The following AIG1 variants were observed in gnomAD, a reference collection of about 807,000 sequenced individuals.
AIG1 encodes the protein androgen-induced gene 1 protein.
In AIG1, 23 loss-of-function variants were observed where a neutral mutation model predicts 31.4. The ratio of observed to expected loss-of-function variants is 0.73; its 90% CI spans 0.53 to 1.04. AIG1 has a LOEUF of 1.04. Ranked by LOEUF, AIG1 falls within the 50% of genes least tolerant of loss-of-function variation. The pLI, the probability that AIG1 is intolerant of heterozygous loss-of-function variation, is 0.00. For missense variants in AIG1, 274 were observed against 295.0 expected (o/e 0.93, Z 0.52); for synonymous variants, 100 against 110.5 (o/e 0.90, Z 0.60).
At chr6:143,339,111 A>G (rs1243467723) in intron 5 of AIG1, 1 of 152,328 alleles carries the variant, frequency 6.6e-6, no homozygotes, top group Non-Finnish European at 1.5e-5. Flanking sequence ...ATTCATGAGT[A>G]TGGAAATAAA....
At chr6:143,065,917 T>C (rs1776658741) in intron 1 of AIG1, among the ~76,000 whole-genome samples, 1 of 152,250 alleles carries the variant, frequency 6.6e-6, no homozygotes, top group South Asian at 2.1e-4. Flanking sequence ...CCATTGGCTC[T>C]AGTTTGTAGT....
chr6:143,236,667 G>A (rs1463382877), intron 3 of AIG1, among the ~76,000 whole-genome samples: 1 of 152,178 alleles, frequency 6.6e-6, no homozygotes, highest in African/African-American at 2.4e-5. Context: ...CCAGTCCTTT[G>A]TGTCACCGTG....
chr6:143,127,225 G>A (rs148797435), intron 1 of AIG1, among the ~76,000 whole-genome samples: 2 of 152,048 alleles, frequency 1.3e-5, no homozygotes, highest in Admixed American at 1.3e-4. Context: ...ACTCTTCCAG[G>A]CCTTTCTTTA....
In AIG1 at chr6:143,327,401, G is replaced by T; in HGVS notation, c.516-5881G>T. 3.0e-6 allele frequency: 1 copy of T among 331,590 alleles called. No individual in the cohort carries two copies. The highest frequency in any genetic ancestry group is 5.7e-6 in the Non-Finnish European group (1 of 174,394). The allele number at this position is 331,590 out of a possible 1,614,324, so 20.5% of individuals were successfully genotyped here. A position where few individuals can be genotyped will look rare whatever the true frequency, so the allele number is the denominator to read the frequency against. The stretch of plus-strand genomic sequence containing the variant: ...CCATGGAGTGGGCTTCAAGAAGTCT[G>T]CCCCTTGGGCACTCAAAGAGATCTG... On this transcript the variant is annotated intron_variant, in intron 4 of 5. Coordinates refer to ENST00000357847, the MANE Select transcript of AIG1 (RefSeq NM_016108.4). This position sits in a 1 kb window ranked among gnomAD's most constrained non-coding sequence, Gnocchi z 5.3.
chr6:143,305,743 A>G (rs1799242986), intron 4 of AIG1, among the ~76,000 whole-genome samples: 2 of 152,008 alleles, frequency 1.3e-5, no homozygotes, highest in Admixed American at 1.3e-4. Flanking sequence ...TATTAGGTCC[A>G]CTTGGTGCAG....
chr6:143,092,182 G>A (rs1020966385), intron 1 of AIG1, among the ~76,000 whole-genome samples: 2 of 152,026 alleles, frequency 1.3e-5, no homozygotes, highest in African/African-American at 4.8e-5. Context: ...ATGGCTCACT[G>A]CAGCCTTGAC....
Position 143,256,213 on chromosome 6 carries a change from T to C in AIG1, c.400-27897T>C, listed in dbSNP as rs1254739146. Among the ~76,000 whole-genome samples the C allele has an allele frequency of 2.0e-5, 3 of 152,222 alleles. No homozygotes were observed. The highest frequency in any genetic ancestry group is 4.4e-5 in the Non-Finnish European group (3 of 68,042). ...ACATAGGCAGTGTTGTTTAAGTCTA[T>C]GTAATGTGTAGAGGAAAGCAGTGAA... On this transcript the variant is annotated intron_variant, in intron 3 of 5. Transcript: ENST00000357847. This position sits in a 1 kb window ranked among gnomAD's most constrained non-coding sequence, Gnocchi z 4.6.
At chr6:143,238,065 C>T (rs889119934) in intron 3 of AIG1, among the ~76,000 whole-genome samples, 4 of 152,122 alleles carry the variant, frequency 2.6e-5, no homozygotes, top group Admixed American at 6.6e-5. Context: ...ATCAGCCTCC[C>T]GAGTAACTGG....
chr6:143,269,041 G>A (rs576040418), intron 3 of AIG1, among the ~76,000 whole-genome samples: 218 of 151,058 alleles, frequency 1.4e-3, no homozygotes, highest in African/African-American at 5.0e-3. Context: ...TCCTAGTAGG[G>A]TGGGCTCAGG....
At chr6:143,092,058 C>T (rs553266074) in intron 1 of AIG1, among the ~76,000 whole-genome samples, 1 of 152,170 alleles carries the variant, frequency 6.6e-6, no homozygotes, top group Admixed American at 6.5e-5. Context: ...TGCCCAGATC[C>T]ATCAGAGGAA....
chr6:143,208,674 TATTC>T (rs1461645763), intron 3 of AIG1, among the ~76,000 whole-genome samples: 1 of 152,150 alleles, frequency 6.6e-6, no homozygotes, highest in Non-Finnish European at 1.5e-5. Flanking sequence ...AAACTTACCA[TATTC>T]ATACTGCATA....
intron 3 of AIG1, among the ~76,000 whole-genome samples, chr6:143,220,985 G>A (rs577418511): frequency 6.6e-6 from 1 of 151,920 alleles, no homozygotes; most frequent in East Asian, 1.9e-4. Flanking sequence ...GATATCACTA[G>A]TTTTTATTGT....
intron 4 of AIG1, among the ~76,000 whole-genome samples, chr6:143,307,685 C>G (rs1229735790): frequency 2.0e-5 from 3 of 152,236 alleles, no homozygotes; most frequent in African/African-American, 7.2e-5. Flanking sequence ...TCTGCCCATT[C>G]TCAGATCTCC....
chr6:143,273,277 T>C (rs768689394), intron 3 of AIG1, among the ~76,000 whole-genome samples: 24 of 152,232 alleles, frequency 1.6e-4, no homozygotes, highest in Non-Finnish European at 3.2e-4. Context: ...GTGAATAACA[T>C]TAAAATCCTA....
chr6:143,060,937 C>A lies in AIG1; in HGVS notation c.12C>A (p.Val4=), dbSNP rs1485093173. 8.7e-6 allele frequency: 14 copies of A among 1,610,164 alleles called. No homozygotes were observed. Among genetic ancestry groups the A allele is most frequent in the African/African-American group, 1.3e-5 (1 of 74,778 alleles). ...GGCCTCTGGCGAACATGGCGCTTGT[C>A]CCCTGCCAGGTGCTGCGGATGGCAA... The part of the protein sequence containing the change: MAL[V]PCQVLRMAIL... Residue 4 remains valine (V), a synonymous_variant, in exon 1 of 6, where the codon GTC becomes GTA. Coordinates refer to ENST00000357847, the MANE Select transcript of AIG1 (RefSeq NM_016108.4).
At chr6:143,228,667 T>C (rs1032033130) in intron 3 of AIG1, among the ~76,000 whole-genome samples, 6 of 152,202 alleles carry the variant, frequency 3.9e-5, no homozygotes, top group Admixed American at 6.5e-5. Context: ...GGGCTTCGAC[T>C]CTGGGACTAT....
chr6:143,140,897 G>T (rs1432651696), intron 2 of AIG1, among the ~76,000 whole-genome samples: 1 of 152,218 alleles, frequency 6.6e-6, no homozygotes, highest in Non-Finnish European at 1.5e-5. Flanking sequence ...CAGGCGCAGA[G>T]CCTCAGCTTT....
chr6:143,232,080 T>C (rs1793483994), intron 3 of AIG1, among the ~76,000 whole-genome samples: 1 of 152,194 alleles, frequency 6.6e-6, no homozygotes, highest in Non-Finnish European at 1.5e-5. Flanking sequence ...AGATCAGATT[T>C]GAGGTTTTGA....
chr6:143,143,555 A>ATATATATATATATATG (rs1562422399), intron 2 of AIG1, among the ~76,000 whole-genome samples: 1 of 118,268 alleles, frequency 8.5e-6, no homozygotes, highest in Non-Finnish European at 1.6e-5. Flanking sequence ...ATATATATAT[A>ATATATATATATATATG]CACACACACT....
Sources: gnomAD v4.1 joint callset for allele counts (sites outside exome capture counted in the v4.1 genomes callset) on GRCh38, gnomAD v4.1.1 for gene constraint, Gnocchi (gnomAD v3.1) non-coding constraint, MANE v1.5 for transcripts, NCBI Gene and HGNC (gene_info 2026-07-23, HGNC 2026-07-21) for gene names.